Variants in CELSR1 observed in about 807,000 individuals in gnomAD.
The protein encoded by CELSR1 is adhesion G protein-coupled receptor C1.
Under a neutral mutation model 249.1 loss-of-function variants are expected in CELSR1, and 110 were observed. The ratio of observed to expected loss-of-function variants is 0.44; its 90% CI spans 0.38 to 0.52. The LOEUF (loss-of-function observed/expected upper bound fraction) is 0.52. Among genes scored for constraint, CELSR1 ranks in the 20% least tolerant of loss-of-function variants. The pLI, the probability that CELSR1 is intolerant of heterozygous loss-of-function variation, is 0.00. For missense variants in CELSR1, 4,109 were observed against 4,296.4 expected, an observed-to-expected ratio of 0.96 and a Z score of 1.22; for synonymous variants, 2,113 against 1,900.0, an observed-to-expected ratio of 1.11 and a Z score of -2.92.
At chr22:46,378,534 G>T in intron 23 of CELSR1, 57 bp downstream of exon 23, 1 of 1,518,912 alleles carries the variant, frequency 6.6e-7, no homozygotes, top group Non-Finnish European at 8.9e-7. Flanking sequence ...GTTTGGGGGG[G>T]AGGGGCAGGT....
rs753291911 is a variant in CELSR1 at position 46,380,898 on chromosome 22, C to G, written c.7146G>C (p.Glu2382Asp). 5 of 1,613,474 alleles carry G rather than the reference C, an allele frequency of 3.1e-6. No homozygotes were observed. The Admixed American group carries it at 8.3e-5, about 27-fold the overall frequency. Residue 2382 changes from glutamate to aspartate, a missense_variant, in exon 22 of 35, where the codon GAG becomes GAC. Glu to Asp is a conservative substitution (Grantham distance 45). Around this residue, in one of 7 missense-constraint regions of CELSR1, gnomAD observed 1,805 missense variants for 1,831.6 expected, o/e 0.99. Transcript: ENST00000674500. The surrounding 1 kb of genome is among the most constrained non-coding windows in gnomAD (Gnocchi z 5.1). ...CCAGGGGTCTCGGGAGCGGAGCCCC[C>G]TCGCTGTACACCAGCGTGCTCACCA... is the stretch of plus-strand genomic sequence containing the variant. The part of the protein sequence containing the change: ...TPMVSTLVYS[E>D]GAPLPRPLER...
In CELSR1 at chr22:46,364,507, G is replaced by A. The variant is rs377317451; in HGVS notation, c.8779+5C>T. ...TTTCACTGCAGCCCCGGCCTCCCCAGGCACCTTTCCTCTGCTCTGGGGGCT... is the reference window on the plus strand; with the variant it reads ...TTTCACTGCAGCCCCGGCCTCCCCAAGCACCTTTCCTCTGCTCTGGGGGCT... On this transcript the variant is annotated splice_donor_5th_base_variant and intron_variant, in intron 33 of 34. Coordinates refer to ENST00000674500, the MANE Select transcript of CELSR1 (RefSeq NM_001378328.1). The A allele has an allele frequency of 2.5e-6, 4 of 1,606,918 alleles. No individual in the cohort carries two copies. Among genetic ancestry groups the A allele is most frequent in the Non-Finnish European group, 2.5e-6 (3 of 1,176,948 alleles).
intron 1 of CELSR1, among the ~76,000 whole-genome samples, chr22:46,491,450 A>C (rs577224744): frequency 7.9e-5 from 12 of 151,842 alleles, no homozygotes; most frequent in African/African-American, 2.9e-4. Flanking sequence ...TTTTTAGTAG[A>C]GATGGGGTTT....
Position 46,427,445 on chromosome 22 carries a change from G to A in CELSR1, c.4611+5948C>T, listed in dbSNP as rs1012697386. Among the ~76,000 whole-genome samples, 6 of 152,234 alleles carry A rather than the reference G, an allele frequency of 3.9e-5. No homozygotes were observed. Among genetic ancestry groups the A allele is most frequent in the South Asian group, 2.1e-4 (1 of 4,832 alleles). On this transcript the variant is annotated intron_variant, in intron 5 of 34. Transcript: ENST00000674500. The surrounding 1 kb of genome is among the most constrained non-coding windows in gnomAD (Gnocchi z 4.2). ...CCAGCTACTCAGGAGGCTGAGGCAG[G>A]AGAATTGCTTGAACCTGGGAGGCAG... is the stretch of plus-strand genomic sequence containing the variant.
In CELSR1 at chr22:46,391,650, G is replaced by A. The variant is rs759442289; in HGVS notation, c.6131C>T (p.Thr2044Ile). 1 of 1,604,104 alleles carries A rather than the reference G, an allele frequency of 6.2e-7. No individual in the cohort carries two copies. The highest frequency in any genetic ancestry group is 8.5e-7 in the Non-Finnish European group (1 of 1,177,532). The change falls in exon 15 of 35, where the codon ACC (threonine) becomes ATC (isoleucine). Residue 2044 changes from threonine (T) to isoleucine (I), a missense_variant. Coordinates refer to ENST00000674500, the MANE Select transcript of CELSR1 (RefSeq NM_001378328.1). The surrounding 1 kb of genome is among the most constrained non-coding windows in gnomAD (Gnocchi z 4.3). Reference protein sequence around the residue: ...NRCDNPFAEVTTLGCEVIYNG... With the variant: ...NRCDNPFAEVITLGCEVIYNG... ...ACGCGGACCTTCACAGCCGAGCGTG[G>A]TGACCTCGGCAAACGGGTTGTCGCA... is the stretch of plus-strand genomic sequence containing the variant.
chr22:46,465,255 C>T (rs2080083937), intron 1 of CELSR1, among the ~76,000 whole-genome samples: 1 of 152,096 alleles, frequency 6.6e-6, no homozygotes, highest in Admixed American at 6.5e-5. Context: ...AATAGCCTGC[C>T]AAGTCCAGGT....
At chr22:46,486,840 C>T (rs2147684154) in intron 1 of CELSR1, among the ~76,000 whole-genome samples, 1 of 152,272 alleles carries the variant, frequency 6.6e-6, no homozygotes, top group South Asian at 2.1e-4. Flanking sequence ...AAGACTCTGT[C>T]TCAGAACAAA....
rs2079745111 is a variant in CELSR1 at position 46,441,268 on chromosome 22, C to T, written c.4184-1857G>A. ...TCAAATGGCAGCATCTTCCTGGAGC[C>T]CAGACCTCGCTGGAGTCCCCAGAGT... is the stretch of plus-strand genomic sequence containing the variant. On this transcript the variant is annotated intron_variant, in intron 2 of 34. Coordinates refer to ENST00000674500, the MANE Select transcript of CELSR1 (RefSeq NM_001378328.1). The surrounding 1 kb of genome is among the most constrained non-coding windows in gnomAD (Gnocchi z 6.1). Among the ~76,000 whole-genome samples, 1 of 152,096 alleles carries T rather than the reference C, an allele frequency of 6.6e-6. No individual in the cohort carries two copies. Among genetic ancestry groups the T allele is most frequent in the African/African-American group, 2.4e-5 (1 of 41,414 alleles).
At chr22:46,456,455 C>G (rs1008008472) in intron 2 of CELSR1, among the ~76,000 whole-genome samples, 1 of 151,890 alleles carries the variant, frequency 6.6e-6, no homozygotes, top group Non-Finnish European at 1.5e-5. Context: ...GTCAGGAGAT[C>G]GAGACCGTCA....
intron 1 of CELSR1, among the ~76,000 whole-genome samples, chr22:46,529,919 C>T (rs2080775316): frequency 1.3e-5 from 2 of 152,032 alleles, no homozygotes; most frequent in South Asian, 4.1e-4. Context: ...GTTTATAACA[C>T]AAAGGATAAA....
Position 46,409,968 on chromosome 22 carries a change from G to C in CELSR1, c.4934-88C>G. The C allele has an allele frequency of 6.4e-7, 1 of 1,555,250 alleles. No individual in the cohort carries two copies. Among genetic ancestry groups the C allele is most frequent in the Non-Finnish European group, 8.7e-7 (1 of 1,144,972 alleles). ...AGACGTGGCGTGGGAAACCAGGACGGAATGGACCCGGGGCTGGACAGAAGT... is the reference window on the plus strand; with the variant it reads ...AGACGTGGCGTGGGAAACCAGGACGCAATGGACCCGGGGCTGGACAGAAGT... On this transcript the variant is annotated intron_variant, in intron 7 of 34. Coordinates refer to ENST00000674500, the MANE Select transcript of CELSR1 (RefSeq NM_001378328.1). The surrounding 1 kb of genome is among the most constrained non-coding windows in gnomAD (Gnocchi z 9.8).
Position 46,389,235 on chromosome 22 carries a change from G to T in CELSR1, c.6555+55C>A, listed in dbSNP as rs77953016. The stretch of plus-strand genomic sequence containing the variant: ...GCCCAGCCCCACAGCACCCACCCAC[G>T]GGCATCCGAGTGTCCCCGAGTGTCC... On this transcript the variant is annotated intron_variant, in intron 18 of 34. Coordinates refer to ENST00000674500, the MANE Select transcript of CELSR1 (RefSeq NM_001378328.1). The T allele has an allele frequency of 2.3e-3, 3,613 of 1,575,942 alleles. 81 individuals carry two copies. In the African/African-American group the frequency reaches 0.044, roughly 19 times the overall value.
At chr22:46,442,153 AAAC>A (rs1171642165) in intron 2 of CELSR1, among the ~76,000 whole-genome samples, 6 of 152,234 alleles carry the variant, frequency 3.9e-5, no homozygotes, top group Non-Finnish European at 5.9e-5. Flanking sequence ...CGTCTCAAAC[AAAC>A]AACAAGAAAA....
intron 24 of CELSR1, among the ~76,000 whole-genome samples, chr22:46,376,016 G>A (rs1315988293): frequency 6.6e-6 from 1 of 152,236 alleles, no homozygotes; most frequent in African/African-American, 2.4e-5. Context: ...ACGTGAGTGG[G>A]TTCCTGATGT....
intron 1 of CELSR1, among the ~76,000 whole-genome samples, chr22:46,480,949 A>C (rs760976030): frequency 5.3e-5 from 8 of 152,216 alleles, no homozygotes; most frequent in Non-Finnish European, 7.3e-5. Context: ...AAAAGACTAA[A>C]ATTCCGGCCG....
In CELSR1 at chr22:46,517,081, C is replaced by G. The variant is rs1243609641; in HGVS notation, c.3544+16546G>C. Among the ~76,000 whole-genome samples, 3 of 152,234 alleles carry G rather than the reference C, an allele frequency of 2.0e-5. No homozygotes were observed. The highest frequency in any genetic ancestry group is 4.4e-5 in the Non-Finnish European group (3 of 68,030). The stretch of plus-strand genomic sequence containing the variant: ...GGGGAAGAATCCAGAGGGTCTGGCT[C>G]TGGCCAGGGCAGGTTCTCACCCCAA... On this transcript the variant is annotated intron_variant, in intron 1 of 34. Transcript: ENST00000674500. The surrounding 1 kb of genome is among the most constrained non-coding windows in gnomAD (Gnocchi z 5.4).
At position 46,393,610 on chromosome 22, in the gene CELSR1, C is replaced by T. The variant is rs1335304751; in HGVS notation, c.5964+532G>A. Among the ~76,000 whole-genome samples the T allele has an allele frequency of 6.6e-6, 1 of 151,984 alleles. No individual in the cohort carries two copies. The highest frequency in any genetic ancestry group is 1.5e-5 in the Non-Finnish European group (1 of 67,990). ...AAAATTAGCTGGGCATGGTGGTGGG[C>T]GCCTATAATCCCAGCTACTCAGGAG... On this transcript the variant is annotated intron_variant, in intron 14 of 34. Transcript: ENST00000674500. This position sits in a 1 kb window ranked among gnomAD's most constrained non-coding sequence, Gnocchi z 4.1.
At chr22:46,364,776 C>T (rs2078748387) in intron 32 of CELSR1, 40 bp from the exon 33 acceptor site, 1 of 1,572,044 alleles carries the variant, frequency 6.4e-7, no homozygotes, top group East Asian at 2.3e-5. Context: ...AGCGGCACTG[C>T]CACTCGAGCT....
In CELSR1 at chr22:46,488,251, G is replaced by A. The variant is rs1387672481; in HGVS notation, c.3545-23906C>T. On this transcript the variant is annotated intron_variant, in intron 1 of 34. Coordinates refer to ENST00000674500, the MANE Select transcript of CELSR1 (RefSeq NM_001378328.1). The surrounding 1 kb of genome is among the most constrained non-coding windows in gnomAD (Gnocchi z 4.7). ...GAAACTCATGACAGTGGGAGGTGAA[G>A]GTGACCCCCAGATAGTCCCCAGAGC... 6.6e-6 allele frequency among the ~76,000 whole-genome samples: 1 copy of A among 152,022 alleles called. No homozygotes were observed. Among genetic ancestry groups the A allele is most frequent in the Admixed American group, 6.6e-5 (1 of 15,264 alleles).
Sources: gnomAD v4.1 joint callset for allele counts (sites outside exome capture counted in the v4.1 genomes callset) on GRCh38, gnomAD v4.1.1 for gene constraint, gnomAD v4.1.1 regional missense constraint, Gnocchi (gnomAD v3.1) non-coding constraint, MANE v1.5 for transcripts, NCBI Gene and HGNC (gene_info 2026-07-23, HGNC 2026-07-21) for gene names.